KCNC4: variants seen among roughly 807,000 people sequenced by gnomAD.
The protein encoded by KCNC4 is potassium voltage-gated channel subfamily C member 4, also known as voltage-gated potassium channel KCNC4.
In KCNC4, 23 loss-of-function variants were observed where a neutral mutation model predicts 42.8. That is an observed-to-expected ratio of 0.54 (90% CI 0.39 to 0.76). KCNC4 has a LOEUF of 0.76. Among genes scored for constraint, KCNC4 ranks in the 30% least tolerant of loss-of-function variants. The probability of loss-of-function intolerance (pLI) is 0.00; values close to 1 mark genes in which losing one functional copy is unlikely to be tolerated. For missense variants in KCNC4, 751 were observed against 898.2 expected (o/e 0.84, Z 2.10); for synonymous variants, 422 against 393.5 (o/e 1.07, Z -0.86).
chr1:110,239,927 T>G (rs1412790535), exon 4 of KCNC4: 1 of 152,150 alleles, frequency 6.6e-6, no homozygotes, highest in Non-Finnish European at 1.5e-5. Flanking sequence ...CAGCTCCCAC[T>G]CGAGGGCCTA....
chr1:110,222,448 C>T (rs1038912102), intron 1 of KCNC4: 1 of 155,058 alleles, frequency 6.4e-6, no homozygotes, highest in Non-Finnish European at 1.4e-5. Flanking sequence ...GTGTTTCTAA[C>T]CAAAGGACCA....
intron 1 of KCNC4, among the ~76,000 whole-genome samples, chr1:110,273,115 C>G (rs1480792489): frequency 3.3e-5 from 5 of 152,122 alleles, no homozygotes; most frequent in Non-Finnish European, 5.9e-5. Flanking sequence ...TATAATGTTT[C>G]CTGGAGAAAA....
intron 1 of KCNC4, among the ~76,000 whole-genome samples, chr1:110,212,725 GAAGAGGCA>G: frequency 6.6e-6 from 1 of 152,314 alleles, no homozygotes; most frequent in South Asian, 2.1e-4. Flanking sequence ...CTTAAGCTCA[GAAGAGGCA>G]AAGCTGAGAC....
chr1:110,257,720 C>CAAAAAAAAAAAAAAAAAAAAAAAAAAA (rs56333861), intron 1 of KCNC4, among the ~76,000 whole-genome samples: 1 of 90,972 alleles, frequency 1.1e-5, no homozygotes, highest in African/African-American at 4.9e-5. Flanking sequence ...GACTCCGTCT[C>CAAAAAAAAAAAAAAAAAAAAAAAAAAA]AAAAAAAAAA....
intron 1 of KCNC4, among the ~76,000 whole-genome samples, chr1:110,214,066 C>T (rs1278525937): frequency 6.6e-6 from 1 of 152,304 alleles, no homozygotes; most frequent in South Asian, 2.1e-4. Flanking sequence ...TGCTGAATGG[C>T]CAAGCCAGGG....
intron 1 of KCNC4, among the ~76,000 whole-genome samples, chr1:110,214,840 G>A (rs1419431270): frequency 1.3e-5 from 2 of 152,242 alleles, no homozygotes; most frequent in South Asian, 2.1e-4. Context: ...AGATGGAGAC[G>A]TCAGAAGGAA....
At chr1:110,279,125 G>A (rs1253873043) in intron 1 of KCNC4, among the ~76,000 whole-genome samples, 1 of 152,138 alleles carries the variant, frequency 6.6e-6, no homozygotes, top group African/African-American at 2.4e-5. Flanking sequence ...GGCTTGATGT[G>A]CATATCAGTG....
Position 110,211,374 on chromosome 1 carries a change from G to T in KCNC4, c.-126G>T. On this transcript the variant is annotated 5_prime_UTR_variant, in exon 1 of 4. Transcript: ENST00000438661. This position sits in a 1 kb window ranked among gnomAD's most constrained non-coding sequence, Gnocchi z 6.5. Reference sequence around the variant, plus strand: ...TAGGCAGGGGCAAGCCCAAGCCGCAGAGGGGGCCGCCACCGCCTCCTGCCT... The same window carrying T: ...TAGGCAGGGGCAAGCCCAAGCCGCATAGGGGGCCGCCACCGCCTCCTGCCT... The T allele has an allele frequency of 2.9e-6, 4 of 1,395,520 alleles. No individual in the cohort carries two copies. The highest frequency in any genetic ancestry group is 4.9e-5 in the Admixed American group (2 of 40,416). 86.4% of individuals were successfully genotyped at this position (1,395,520 alleles called of 1,614,324 possible). A position where few individuals can be genotyped will look rare whatever the true frequency, so the allele number is the denominator to read the frequency against.
chr1:110,226,791 G>A (rs1297895328), intron 3 of KCNC4, among the ~76,000 whole-genome samples: 1 of 152,242 alleles, frequency 6.6e-6, no homozygotes, highest in East Asian at 1.9e-4. Flanking sequence ...TCTGAGGAAT[G>A]TTCTGAGTAT....
At position 110,233,810 on chromosome 1, in the gene KCNC4, G is replaced by A. The variant is rs1400754237; in HGVS notation, c.*838G>A. 1 of 152,304 alleles carries A rather than the reference G, an allele frequency of 6.6e-6. No individual in the cohort carries two copies. The highest frequency in any genetic ancestry group is 2.4e-5 in the African/African-American group (1 of 41,438). The allele number at this position is 152,304 out of a possible 1,614,324, so 9.4% of individuals were successfully genotyped here. On this transcript the variant is annotated 3_prime_UTR_variant, in exon 4 of 4. Coordinates refer to ENST00000438661, the MANE Select transcript of KCNC4 (RefSeq NM_001039574.3). ...ACTTCCTGGTCAGTGGCCAGAGGAT[G>A]CGTGCAATAGCAGAGGCCAGGTGAC...
intron 2 of KCNC4, 64 bp from the exon 3 acceptor site, chr1:110,225,911 G>A: frequency 6.9e-7 from 1 of 1,451,614 alleles, no homozygotes; most frequent in Non-Finnish European, 9.4e-7. Flanking sequence ...GGAGACCCCA[G>A]ATGACCCATG....
intron 1 of KCNC4, among the ~76,000 whole-genome samples, chr1:110,269,218 A>AT (rs1659599511): frequency 6.6e-6 from 1 of 152,180 alleles, no homozygotes; most frequent in African/African-American, 2.4e-5. Flanking sequence ...CAAGTAAAAT[A>AT]CAACTCAAGA....
chr1:110,226,111 G>GA lies in KCNC4; in HGVS notation c.1754dup (p.Ala586GlyfsTer18). The GA allele has an allele frequency of 3.1e-6, 5 of 1,614,184 alleles. No homozygotes were observed. The highest frequency in any genetic ancestry group is 4.2e-6 in the Non-Finnish European group (5 of 1,180,040). The stretch of plus-strand genomic sequence containing the variant: ...GCTCCACCACTCGAGACAGAAACAA[G>GA]AAGGCAGCTGCCTGCTTCCTGCTCA... On this transcript the variant is annotated frameshift_variant, in exon 3 of 4. Coordinates refer to ENST00000438661, the MANE Select transcript of KCNC4 (RefSeq NM_001039574.3). LOFTEE classifies it high-confidence loss of function.
intron 3 of KCNC4, among the ~76,000 whole-genome samples, chr1:110,232,008 G>A (rs931324018): frequency 1.3e-5 from 2 of 152,106 alleles, no homozygotes; most frequent in African/African-American, 2.4e-5. Context: ...TTGTCCCAGC[G>A]GGTCTGGAAC....
intron 2 of KCNC4, 173 bp downstream of exon 2, chr1:110,224,073 T>A: frequency 1.6e-6 from 1 of 611,048 alleles, no homozygotes; most frequent in Non-Finnish European, 2.9e-6. Context: ...GTCCTCTGGC[T>A]GGGTCTCCGA....
In KCNC4 at chr1:110,272,840, A is replaced by G. The variant is rs569197761; in HGVS notation, n.31-9694A>G. Reference sequence around the variant, plus strand: ...TCCATGAGCTGTCTTAGAACCTTACAATGACTACCTTGTTCATTTTGGTTT... The same window carrying G: ...TCCATGAGCTGTCTTAGAACCTTACGATGACTACCTTGTTCATTTTGGTTT... On this transcript the variant is annotated intron_variant and non_coding_transcript_variant, in intron 1 of 2. Transcript: ENST00000412512. Among the ~76,000 whole-genome samples, 4 of 152,318 alleles carry G rather than the reference A, an allele frequency of 2.6e-5. No individual in the cohort carries two copies. The South Asian group carries it at 8.3e-4, about 32-fold the overall frequency.
exon 4 of KCNC4, chr1:110,240,436 A>T (rs902414365): frequency 6.6e-6 from 1 of 152,304 alleles, no homozygotes; most frequent in Non-Finnish European, 1.5e-5. Context: ...AGCTCCTCAT[A>T]TTGAGCCCCT....
intron 1 of KCNC4, among the ~76,000 whole-genome samples, chr1:110,258,792 T>G (rs976551800): frequency 1.3e-5 from 2 of 152,202 alleles, no homozygotes; most frequent in Non-Finnish European, 2.9e-5. Context: ...TGAGGAGGCA[T>G]GGAGCAGAAG....
intron 1 of KCNC4, among the ~76,000 whole-genome samples, chr1:110,259,095 A>G (rs1659383673): frequency 6.6e-6 from 1 of 152,226 alleles, no homozygotes; most frequent in South Asian, 2.1e-4. Context: ...ATCCTCCTCA[A>G]GCACCCAGAA....
Sources: allele counts gnomAD v4.1 joint callset (sites outside exome capture counted in the v4.1 genomes callset), GRCh38; gene constraint gnomAD v4.1.1; non-coding constraint Gnocchi (gnomAD v3.1); transcripts MANE v1.5; gene names NCBI Gene and HGNC (gene_info 2026-07-23, HGNC 2026-07-21).